The following FAR2 variants were observed in gnomAD, a reference collection of about 807,000 sequenced individuals.
FAR2 encodes fatty acyl-CoA reductase 2.
A neutral mutation model predicts 56.0 loss-of-function variants in FAR2; 19 were observed. That is an observed-to-expected ratio of 0.34 (90% CI 0.24 to 0.50). The LOEUF (loss-of-function observed/expected upper bound fraction) is 0.50, where lower values mean the gene tolerates loss of function less well. FAR2 is among the 20% of genes least tolerant of loss of function. The pLI, the probability that FAR2 is intolerant of heterozygous loss-of-function variation, is 0.98. For missense variants in FAR2, 508 were observed against 642.2 expected (o/e 0.79, Z 2.26); for synonymous variants, 219 against 218.8 (o/e 1.00, Z -0.01).
chr12:29,251,469 T>C (rs10843364), intron 1 of FAR2, among the ~76,000 whole-genome samples: 2,824 of 152,224 alleles, frequency 0.019, 86 homozygotes, highest in African/African-American at 0.059. Context: ...CTAAACATCA[T>C]TGTGGCCCTC....
At chr12:29,170,643 C>T (rs1234990076) in intron 1 of FAR2, among the ~76,000 whole-genome samples, 1 of 151,936 alleles carries the variant, frequency 6.6e-6, no homozygotes. Flanking sequence ...CTGTCTCTCT[C>T]TTTCTCTCTC....
At chr12:29,256,910 T>A (rs1250688376) in intron 1 of FAR2, among the ~76,000 whole-genome samples, 8 of 152,208 alleles carry the variant, frequency 5.3e-5, no homozygotes, top group Non-Finnish European at 1.5e-5. Context: ...CAGCCTGCCA[T>A]GCCTAAGCCT....
intron 1 of FAR2, among the ~76,000 whole-genome samples, chr12:29,253,519 CA>C (rs2136681078): frequency 6.6e-6 from 1 of 151,920 alleles, no homozygotes; most frequent in Admixed American, 6.5e-5. Context: ...TAAACTAATA[CA>C]ATGATAATCT....
intron 1 of FAR2, among the ~76,000 whole-genome samples, chr12:29,257,522 G>A (rs1018960104): frequency 9.2e-5 from 14 of 152,126 alleles, no homozygotes; most frequent in South Asian, 2.1e-4. Flanking sequence ...TTGTTCTTTC[G>A]CTCTTTGCAA....
intron 3 of FAR2, among the ~76,000 whole-genome samples, chr12:29,294,392 A>C (rs980713359): frequency 6.6e-6 from 1 of 151,944 alleles, no homozygotes; most frequent in Non-Finnish European, 1.5e-5. Flanking sequence ...TTGTTGCCCA[A>C]GTTGGAGTGC....
At chr12:29,199,986 A>G (rs1947385785) in intron 1 of FAR2, among the ~76,000 whole-genome samples, 1 of 152,192 alleles carries the variant, frequency 6.6e-6, no homozygotes, top group Non-Finnish European at 1.5e-5. Flanking sequence ...TTTAAGGCTC[A>G]GGAGAGAAGT....
intron 1 of FAR2, among the ~76,000 whole-genome samples, chr12:29,213,338 T>A (rs1591856491): frequency 6.6e-6 from 1 of 152,032 alleles, no homozygotes; most frequent in African/African-American, 2.4e-5. Context: ...AAATACAAAA[T>A]GAGGGCACAT....
At chr12:29,311,666 T>A (rs867022739) in intron 7 of FAR2, among the ~76,000 whole-genome samples, 12 of 147,426 alleles carry the variant, frequency 8.1e-5, no homozygotes, top group African/African-American at 1.7e-4. Flanking sequence ...AACATCTCTT[T>A]CACACACACA....
At chr12:29,298,049 AAAAAAAAG>A (rs1949100524) in intron 4 of FAR2, among the ~76,000 whole-genome samples, 1 of 151,840 alleles carries the variant, frequency 6.6e-6, no homozygotes, top group South Asian at 2.1e-4. Flanking sequence ...AAAAAAAAAA[AAAAAAAAG>A]AACTAATGAA....
chr12:29,254,353 T>A (rs142265946), intron 1 of FAR2, among the ~76,000 whole-genome samples: 33 of 152,304 alleles, frequency 2.2e-4, no homozygotes, highest in African/African-American at 7.7e-4. Flanking sequence ...CAAACAGATA[T>A]GTGACTGATA....
intron 1 of FAR2, among the ~76,000 whole-genome samples, chr12:29,214,402 A>G (rs2136631837): frequency 6.6e-6 from 1 of 152,370 alleles, no homozygotes; most frequent in African/African-American, 2.4e-5. Flanking sequence ...TGCTGGTGAA[A>G]CAGAAGTAAT....
chr12:29,318,682 G>A (rs1949497686), intron 9 of FAR2, among the ~76,000 whole-genome samples: 1 of 152,160 alleles, frequency 6.6e-6, no homozygotes, highest in African/African-American at 2.4e-5. Context: ...CAGTAGGGGG[G>A]TATGTGTGTA....
At chr12:29,250,033 G>A (rs1948182407) in intron 1 of FAR2, among the ~76,000 whole-genome samples, 1 of 152,140 alleles carries the variant, frequency 6.6e-6, no homozygotes, top group Non-Finnish European at 1.5e-5. Flanking sequence ...ACTAGCATTT[G>A]TGCACCACCT....
chr12:29,318,881 T>C (rs1393178080), intron 9 of FAR2, among the ~76,000 whole-genome samples: 2 of 151,724 alleles, frequency 1.3e-5, no homozygotes, highest in South Asian at 2.1e-4. Flanking sequence ...GATTGAAGAG[T>C]ATGTGGAGTT....
intron 4 of FAR2, among the ~76,000 whole-genome samples, chr12:29,301,383 T>G (rs1297249168): frequency 6.6e-6 from 1 of 152,222 alleles, no homozygotes; most frequent in East Asian, 1.9e-4. Flanking sequence ...TATTTACCTT[T>G]GGAAATTTAT....
At chr12:29,218,593 G>A (rs531579318) in intron 1 of FAR2, among the ~76,000 whole-genome samples, 2 of 152,220 alleles carry the variant, frequency 1.3e-5, no homozygotes, top group Admixed American at 1.3e-4. Flanking sequence ...AGAAATATTT[G>A]AAAAGAATCA....
At chr12:29,324,007 T>A (rs1268944898) in intron 10 of FAR2, among the ~76,000 whole-genome samples, 2 of 151,714 alleles carry the variant, frequency 1.3e-5, no homozygotes, top group African/African-American at 2.4e-5. Flanking sequence ...GAAAAAAAAA[T>A]TAGACGAATG....
In FAR2 at chr12:29,184,381, G is replaced by A. The variant is rs529303258; in HGVS notation, c.-39+34974G>A. 8.3e-4 allele frequency among the ~76,000 whole-genome samples: 122 copies of A among 146,206 alleles called. 1 individual carries two copies. The highest frequency in any genetic ancestry group is 2.9e-3 in the African/African-American group (115 of 39,684). Reference sequence around the variant, plus strand: ...ACTCTTTCACTGTGAACAATTATATGGGCTGGTTCCTAAGAACCATTGTAA... The same window carrying A: ...ACTCTTTCACTGTGAACAATTATATAGGCTGGTTCCTAAGAACCATTGTAA... On this transcript the variant is annotated intron_variant, in intron 1 of 11. Transcript: ENST00000536681.
intron 1 of FAR2, among the ~76,000 whole-genome samples, chr12:29,239,452 C>CTGTGTGTGTGTGTGTGTGTGTG (rs34821915): frequency 1.4e-5 from 2 of 147,946 alleles, no homozygotes; most frequent in South Asian, 2.2e-4. Flanking sequence ...AATGAATCAA[C>CTGTGTGTGTGTGTGTGTGTGTG]TGTGTGTGTG....
Sources: gnomAD v4.1 joint callset for allele counts (sites outside exome capture counted in the v4.1 genomes callset) on GRCh38, gnomAD v4.1.1 for gene constraint, MANE v1.5 for transcripts, NCBI Gene and HGNC (gene_info 2026-07-23, HGNC 2026-07-21) for gene names.